CSMD1: variants seen among roughly 807,000 people sequenced by gnomAD.
The protein encoded by CSMD1 is CUB and sushi domain-containing protein 1.
A neutral mutation model predicts 417.5 loss-of-function variants in CSMD1; 213 were observed. That is an observed-to-expected ratio of 0.51 (90% CI 0.46 to 0.57). CSMD1 has a LOEUF of 0.57. Ranked by LOEUF, CSMD1 falls within the 20% of genes least tolerant of loss-of-function variation. CSMD1 has a pLI of 0.00. For missense variants in CSMD1, 6,923 were observed against 4,529.7 expected, an observed-to-expected ratio of 1.53 and a Z score of -15.17; for synonymous variants, 2,862 against 1,736.8, an observed-to-expected ratio of 1.65 and a Z score of -16.11.
Position 4,221,184 on chromosome 8 carries a change from A to T in CSMD1, c.416-189085T>A, listed in dbSNP as rs986809527. Among the ~76,000 whole-genome samples, 3 of 152,236 alleles carry T rather than the reference A, an allele frequency of 2.0e-5. No individual in the cohort carries two copies. In the East Asian group the frequency reaches 5.8e-4, roughly 29 times the overall value. ...GCTCCATCCGTGATTCTGCATTTCA[A>T]TCTGGCTTTAGTCTCTGCCCCATAA... is the stretch of plus-strand genomic sequence containing the variant. On this transcript the variant is annotated intron_variant, in intron 3 of 69. Coordinates refer to ENST00000635120, the MANE Select transcript of CSMD1 (RefSeq NM_033225.6).
At chr8:4,452,022 G>C (rs772937924) in intron 2 of CSMD1, among the ~76,000 whole-genome samples, 2 of 151,280 alleles carry the variant, frequency 1.3e-5, no homozygotes, top group Non-Finnish European at 2.9e-5. Context: ...TCTTTAGGCA[G>C]CCTGCCTTCT....
intron 5 of CSMD1, among the ~76,000 whole-genome samples, chr8:3,994,556 G>C (rs1482478035): frequency 6.6e-6 from 1 of 151,208 alleles, no homozygotes; most frequent in Non-Finnish European, 1.5e-5. Flanking sequence ...AACTCAAAAT[G>C]GCAACTCTCT....
chr8:4,669,530 C>G (rs896535524), intron 1 of CSMD1, among the ~76,000 whole-genome samples: 2 of 152,156 alleles, frequency 1.3e-5, no homozygotes, highest in Non-Finnish European at 2.9e-5. Flanking sequence ...CAAATTGACA[C>G]ATATCAATGA....
intron 6 of CSMD1, among the ~76,000 whole-genome samples, chr8:3,741,486 G>A (rs1796801558): frequency 6.6e-6 from 1 of 152,180 alleles, no homozygotes; most frequent in African/African-American, 2.4e-5. Flanking sequence ...TATTTACCAA[G>A]TAAAATGTAC....
chr8:4,488,701 G>C (rs1234373929), intron 2 of CSMD1, among the ~76,000 whole-genome samples: 3 of 151,898 alleles, frequency 2.0e-5, no homozygotes, highest in Non-Finnish European at 4.4e-5. Context: ...GGTGAAAAGT[G>C]TGGATATGTG....
At chr8:2,969,029 T>C (rs1804211458) in intron 57 of CSMD1, among the ~76,000 whole-genome samples, 2 of 152,156 alleles carry the variant, frequency 1.3e-5, no homozygotes, top group South Asian at 4.1e-4. Flanking sequence ...GCTGTTAAAT[T>C]GAGTTAAATA....
chr8:3,272,207 T>C (rs1178594058), intron 26 of CSMD1, among the ~76,000 whole-genome samples: 1 of 147,234 alleles, frequency 6.8e-6, no homozygotes, highest in Non-Finnish European at 1.5e-5. Context: ...CCATTGCTTG[T>C]TTTACTCAGG....
At chr8:4,164,427 C>T (rs1253555146) in intron 3 of CSMD1, among the ~76,000 whole-genome samples, 2 of 152,078 alleles carry the variant, frequency 1.3e-5, no homozygotes, top group African/African-American at 2.4e-5. Flanking sequence ...TTGAGGGTTG[C>T]AGGTGACCTC....
chr8:4,856,894 C>T (rs1801833845), intron 1 of CSMD1, among the ~76,000 whole-genome samples: 1 of 152,096 alleles, frequency 6.6e-6, no homozygotes, highest in Admixed American at 6.5e-5. Flanking sequence ...AGGAATTGAA[C>T]TCAGCTCTGA....
intron 4 of CSMD1, among the ~76,000 whole-genome samples, chr8:4,001,726 C>T (rs1005045379): frequency 6.6e-6 from 1 of 152,098 alleles, no homozygotes; most frequent in Non-Finnish European, 1.5e-5. Context: ...TTCACTGGGC[C>T]AGCATGAGTA....
At chr8:3,200,800 T>C (rs1464867184) in intron 32 of CSMD1, among the ~76,000 whole-genome samples, 4 of 152,070 alleles carry the variant, frequency 2.6e-5, no homozygotes, top group Admixed American at 6.6e-5. Context: ...TTTTAGTTAA[T>C]AATAAAATAG....
intron 2 of CSMD1, among the ~76,000 whole-genome samples, chr8:4,477,299 C>T (rs903729113): frequency 3.9e-5 from 6 of 152,134 alleles, no homozygotes; most frequent in Non-Finnish European, 7.3e-5. Context: ...AGCTGGTCCT[C>T]ACCGTGGGGA....
intron 3 of CSMD1, among the ~76,000 whole-genome samples, chr8:4,095,081 A>C (rs535550579): frequency 1.4e-4 from 21 of 152,184 alleles, no homozygotes; most frequent in Non-Finnish European, 2.8e-4. Flanking sequence ...GCTTGGATTA[A>C]TGTAACTGCA....
At chr8:3,463,508 T>G (rs1438893659) in intron 12 of CSMD1, among the ~76,000 whole-genome samples, 1 of 152,220 alleles carries the variant, frequency 6.6e-6, no homozygotes, top group Non-Finnish European at 1.5e-5. Flanking sequence ...TTTAGGGTTT[T>G]AGAAGTCACT....
intron 3 of CSMD1, among the ~76,000 whole-genome samples, chr8:4,290,616 T>C (rs139536925): frequency 0.012 from 1,754 of 152,332 alleles, 24 homozygotes; most frequent in Non-Finnish European, 0.016. Flanking sequence ...AGGTAGATGC[T>C]GTATTTAGGA....
intron 10 of CSMD1, among the ~76,000 whole-genome samples, chr8:3,567,692 A>G (rs1331821086): frequency 6.6e-6 from 1 of 152,192 alleles, no homozygotes; most frequent in Non-Finnish European, 1.5e-5. Context: ...GTACAGAAAG[A>G]CTGGTTATTT....
chr8:3,861,225 C>T (rs543688556), intron 5 of CSMD1, among the ~76,000 whole-genome samples: 66 of 152,286 alleles, frequency 4.3e-4, no homozygotes, highest in South Asian at 1.9e-3. Flanking sequence ...TGATTGCAGT[C>T]GCCTGTGGGT....
chr8:4,182,175 T>C (rs73658441), intron 3 of CSMD1, among the ~76,000 whole-genome samples: 4,590 of 152,148 alleles, frequency 0.03, 217 homozygotes, highest in East Asian at 0.11. Flanking sequence ...AATAGACCTA[T>C]TAGTTTTCTG....
intron 3 of CSMD1, among the ~76,000 whole-genome samples, chr8:4,105,927 G>C (rs780246723): frequency 1.3e-5 from 2 of 152,200 alleles, no homozygotes; most frequent in Non-Finnish European, 2.9e-5. Context: ...CCAAGGTTCG[G>C]TGCGTCCTGA....
Sources: gnomAD v4.1 joint callset for allele counts (sites outside exome capture counted in the v4.1 genomes callset) on GRCh38, gnomAD v4.1.1 for gene constraint, MANE v1.5 for transcripts, NCBI Gene and HGNC (gene_info 2026-07-23, HGNC 2026-07-21) for gene names.